Variants in UXS1 observed in about 807,000 individuals in gnomAD.
The protein encoded by UXS1 is UDP-glucuronic acid decarboxylase 1.
In UXS1, 33 loss-of-function variants were observed where a neutral mutation model predicts 62.6. The ratio of observed to expected loss-of-function variants is 0.53; its 90% CI spans 0.40 to 0.70. The LOEUF (loss-of-function observed/expected upper bound fraction) is 0.70, where lower values mean the gene tolerates loss of function less well. Among genes scored for constraint, UXS1 ranks in the 30% least tolerant of loss-of-function variants. The pLI, the probability that UXS1 is intolerant of heterozygous loss-of-function variation, is 0.00. For synonymous variants in UXS1, 213 were observed against 206.8 expected (o/e 1.03, Z -0.26); for missense variants, 434 against 556.3 (o/e 0.78, Z 2.21).
intron 4 of UXS1, among the ~76,000 whole-genome samples, chr2:106,161,053 G>A (rs1169084430): frequency 1.3e-5 from 2 of 152,158 alleles, no homozygotes; most frequent in Non-Finnish European, 2.9e-5. Context: ...TTGCAGTAAT[G>A]GGTGACAGAG....
At chr2:106,104,642 T>C (rs1346226124) in intron 11 of UXS1, among the ~76,000 whole-genome samples, 152 bp downstream of exon 11, 1 of 152,220 alleles carries the variant, frequency 6.6e-6, no homozygotes, top group African/African-American at 2.4e-5. Flanking sequence ...ACAGCAAGTT[T>C]TCCCATCATA....
chr2:106,096,292 T>C (rs1388684216), intron 14 of UXS1, among the ~76,000 whole-genome samples: 1 of 151,950 alleles, frequency 6.6e-6, no homozygotes, highest in East Asian at 1.9e-4. Context: ...ATGTGTATGA[T>C]AGTGTGAATG....
At position 106,165,520 on chromosome 2, in the gene UXS1, G is replaced by T. The variant is rs139146523; in HGVS notation, c.122+536C>A. ...TTTCTTTTTGCTGATTTTTTTAAAG[G>T]CTATTTTTTTTTATTTGGTAAAGAG... On this transcript the variant is annotated intron_variant, in intron 2 of 14. Transcript: ENST00000283148. 6.1e-3 allele frequency among the ~76,000 whole-genome samples: 922 copies of T among 151,904 alleles called. 4 individuals are homozygous for T. Among genetic ancestry groups the T allele is most frequent in the African/African-American group, 0.021 (862 of 41,302 alleles).
intron 10 of UXS1, among the ~76,000 whole-genome samples, chr2:106,106,698 C>G (rs1678100579): frequency 6.6e-6 from 1 of 152,164 alleles, no homozygotes; most frequent in Non-Finnish European, 1.5e-5. Context: ...ATTCTCTGGC[C>G]TGGCTGATAC....
At chr2:106,112,154 A>C (rs957482205) in intron 10 of UXS1, among the ~76,000 whole-genome samples, 1 of 152,232 alleles carries the variant, frequency 6.6e-6, no homozygotes, top group Admixed American at 6.5e-5. Flanking sequence ...ACCACAGATC[A>C]CTGGGACCTC....
At position 106,194,163 on chromosome 2, in the gene UXS1, G is replaced by A. The variant is rs1204671962; in HGVS notation, c.79C>T (p.Leu27=). 2.7e-6 allele frequency: 4 copies of A among 1,484,998 alleles called. No individual in the cohort carries two copies. The highest frequency in any genetic ancestry group is 5.9e-5 in the East Asian group (2 of 33,634). The allele number at this position is 1,484,998 out of a possible 1,614,324, so 92.0% of individuals were successfully genotyped here. A position where few individuals can be genotyped will look rare whatever the true frequency, so the allele number is the denominator to read the frequency against. The change falls in exon 1 of 15, where the codon CTG becomes TTG. Residue 27 remains leucine (L), a synonymous_variant. Coordinates refer to ENST00000283148, the MANE Select transcript of UXS1 (RefSeq NM_001253875.2). ...RMKLLLGIAL[L]AYVASVWGNF... ...GCGCACTCACAGGCGACGTAGGCCA[G>A]CAAGGCGATGCCCAGCAGCAGCTTC...
At chr2:106,180,977 G>A (rs577027326) in intron 1 of UXS1, among the ~76,000 whole-genome samples, 4 of 152,234 alleles carry the variant, frequency 2.6e-5, no homozygotes, top group African/African-American at 4.8e-5. Context: ...TACCTCAAAC[G>A]ATAACAATGG....
chr2:106,183,246 A>T (rs1235150361), intron 1 of UXS1, among the ~76,000 whole-genome samples: 13 of 151,510 alleles, frequency 8.6e-5, no homozygotes, highest in Admixed American at 8.5e-4. Context: ...TTTTTAAAAA[A>T]AAAAAAAAAA....
chr2:106,163,833 A>C, intron 3 of UXS1, 123 bp from the exon 4 acceptor site: 1 of 525,972 alleles, frequency 1.9e-6, no homozygotes, highest in East Asian at 3.6e-5. Context: ...ATTAACTTCC[A>C]GTTTGAAATT....
intron 8 of UXS1, among the ~76,000 whole-genome samples, chr2:106,124,487 C>T (rs1034315401): frequency 1.3e-5 from 2 of 152,212 alleles, no homozygotes; most frequent in Admixed American, 6.5e-5. Context: ...TTCTGTGAGG[C>T]TAAGACACTA....
chr2:106,120,244 C>T (rs1160487125), intron 9 of UXS1, among the ~76,000 whole-genome samples: 1 of 152,208 alleles, frequency 6.6e-6, no homozygotes, highest in Non-Finnish European at 1.5e-5. Context: ...CCTCCTGGAG[C>T]TCAGGCAATA....
chr2:106,098,631 A>G, intron 13 of UXS1, 85 bp downstream of exon 13: 2 of 1,122,474 alleles, frequency 1.8e-6, no homozygotes, highest in Non-Finnish European at 2.6e-6. Context: ...AGCTTGTATT[A>G]ATTACCCACT....
At chr2:106,187,436 A>C (rs1684629816) in intron 1 of UXS1, among the ~76,000 whole-genome samples, 1 of 152,186 alleles carries the variant, frequency 6.6e-6, no homozygotes, top group East Asian at 1.9e-4. Context: ...GAGGCTAACA[A>C]TTGTGTCCCG....
At chr2:106,182,333 C>G (rs1400913017) in intron 1 of UXS1, among the ~76,000 whole-genome samples, 1 of 152,162 alleles carries the variant, frequency 6.6e-6, no homozygotes, top group Non-Finnish European at 1.5e-5. Context: ...GTGGCTTGAA[C>G]AAGTTTGGTA....
intron 5 of UXS1, among the ~76,000 whole-genome samples, chr2:106,148,994 C>A (rs1370346551): frequency 6.6e-6 from 1 of 152,160 alleles, no homozygotes; most frequent in Non-Finnish European, 1.5e-5. Flanking sequence ...TCAAGGTCAG[C>A]AGTCAAACTC....
At chr2:106,145,160 G>GA in intron 6 of UXS1, 30 bp downstream of exon 6, 1 of 1,603,958 alleles carries the variant, frequency 6.2e-7, no homozygotes, top group Middle Eastern at 1.7e-4. Flanking sequence ...GCGGAGCTCT[G>GA]AATAATAACA....
chr2:106,114,444 A>C (rs537928346), intron 9 of UXS1, among the ~76,000 whole-genome samples: 1 of 152,314 alleles, frequency 6.6e-6, no homozygotes, highest in African/African-American at 2.4e-5. Flanking sequence ...AATGACTCAG[A>C]AGTACCCACT....
intron 4 of UXS1, among the ~76,000 whole-genome samples, chr2:106,162,421 A>AT (rs1682954994): frequency 6.6e-6 from 1 of 152,180 alleles, no homozygotes; most frequent in South Asian, 2.1e-4. Context: ...GAATTGAGAC[A>AT]TTTTTCTTTT....
chr2:106,193,355 C>A lies in UXS1; in HGVS notation c.94+793G>T, dbSNP rs759873331. Reference sequence around the variant, plus strand: ...TATTAATAGCATCAATTAAAACATTCCCAACGAATAGATCTTTAAAAGGAC... The same window carrying A: ...TATTAATAGCATCAATTAAAACATTACCAACGAATAGATCTTTAAAAGGAC... On this transcript the variant is annotated intron_variant, in intron 1 of 14. Transcript: ENST00000283148. Among the ~76,000 whole-genome samples, 53 of 152,236 alleles carry A rather than the reference C, an allele frequency of 3.5e-4. 1 individual carries two copies. The highest frequency in any genetic ancestry group is 3.4e-3 in the Middle Eastern group (1 of 294).
Sources: allele counts gnomAD v4.1 joint callset (sites outside exome capture counted in the v4.1 genomes callset), GRCh38; gene constraint gnomAD v4.1.1; transcripts MANE v1.5; gene names NCBI Gene and HGNC (gene_info 2026-07-23, HGNC 2026-07-21).